Variants in TM9SF3 observed in about 807,000 individuals in gnomAD.
TM9SF3 encodes the protein SM-11044-binding protein.
TM9SF3 carries 14 observed loss-of-function variants against 78.6 expected under a neutral mutation model. That is an observed-to-expected ratio of 0.18 (90% CI 0.12 to 0.28). The LOEUF is 0.28. TM9SF3 is among the 10% of genes least tolerant of loss of function. TM9SF3 has a pLI of 1.00. For synonymous variants in TM9SF3, 231 were observed against 241.7 expected (o/e 0.96, Z 0.41); for missense variants, 496 against 721.9 (o/e 0.69, Z 3.59).
chr10:96,586,777 A>G lies in TM9SF3; in HGVS notation c.59T>C (p.Leu20Pro), dbSNP rs1021366179. Residue 20 changes from leucine (L) to proline (P), a missense_variant, in exon 1 of 15, where the codon CTG becomes CCG. Physicochemically the swap from Leu to Pro is moderately conservative, Grantham distance 98 (BLOSUM62 -3). Transcript: ENST00000371142. ...VAAAAALWLL[L>P]LLLPRTRADE... ...CGCCCGGGTCCGGGGCAGCAGCAGCAGCAGCAGCCACAGCGCGGCGGCCGC... is the reference window on the plus strand; with the variant it reads ...CGCCCGGGTCCGGGGCAGCAGCAGCGGCAGCAGCCACAGCGCGGCGGCCGC... 4 of 1,288,400 alleles carry G rather than the reference A, an allele frequency of 3.1e-6. No individual in the cohort carries two copies. Among genetic ancestry groups the G allele is most frequent in the Non-Finnish European group, 3.9e-6 (4 of 1,016,624 alleles). The allele number at this position is 1,288,400 out of a possible 1,614,324, so 79.8% of individuals were successfully genotyped here.
At chr10:96,556,385 C>T (rs968439026) in intron 5 of TM9SF3, among the ~76,000 whole-genome samples, 1 of 152,296 alleles carries the variant, frequency 6.6e-6, no homozygotes, top group Middle Eastern at 3.4e-3. Context: ...CCTTGCTTCA[C>T]TATTAAGGGA....
chr10:96,533,865 CA>C (rs967385022), intron 9 of TM9SF3, among the ~76,000 whole-genome samples: 5 of 152,138 alleles, frequency 3.3e-5, no homozygotes, highest in African/African-American at 4.8e-5. Context: ...ATTTTAGAAC[CA>C]AAGTGGCCAA....
intron 9 of TM9SF3, among the ~76,000 whole-genome samples, chr10:96,538,835 G>T (rs779890388): frequency 6.6e-5 from 10 of 152,170 alleles, no homozygotes; most frequent in Non-Finnish European, 1.0e-4. Flanking sequence ...ATACTCACTA[G>T]AATAGCTAAA....
intron 14 of TM9SF3, among the ~76,000 whole-genome samples, chr10:96,525,301 T>C (rs1847825270): frequency 6.6e-6 from 1 of 152,060 alleles, no homozygotes; most frequent in East Asian, 1.9e-4. Context: ...CTTCAGTCCC[T>C]CTCATCTTTC....
At chr10:96,586,078 A>G (rs572385149) in intron 1 of TM9SF3, among the ~76,000 whole-genome samples, 1 of 152,296 alleles carries the variant, frequency 6.6e-6, no homozygotes, top group East Asian at 1.9e-4. Context: ...TGGGGGTCTC[A>G]CTTAGGGGCT....
chr10:96,527,091 G>A (rs1564927242), intron 14 of TM9SF3, 122 bp downstream of exon 14: 7 of 699,694 alleles, frequency 1.0e-5, no homozygotes, highest in Admixed American at 2.8e-5. Context: ...AATCAGACTC[G>A]GGTTTATTTT....
chr10:96,586,980 C>T lies in TM9SF3; in HGVS notation c.-145G>A, dbSNP rs1848642819. ...GGGCCCGGCCCAGCCGCTGCCTCCT[C>T]TGCCGCCGCCGTCGCCGTCACCGCC... is the stretch of plus-strand genomic sequence containing the variant. On this transcript the variant is annotated 5_prime_UTR_variant, in exon 1 of 15. Coordinates refer to ENST00000371142, the MANE Select transcript of TM9SF3 (RefSeq NM_020123.4). 1.8e-6 allele frequency: 1 copy of T among 559,442 alleles called. No homozygotes were observed. The highest frequency in any genetic ancestry group is 5.3e-5 in the Admixed American group (1 of 18,774). The allele number at this position is 559,442 out of a possible 1,614,324, so 34.7% of individuals were successfully genotyped here.
chr10:96,539,190 G>T (rs964122290), intron 9 of TM9SF3, among the ~76,000 whole-genome samples: 1 of 148,682 alleles, frequency 6.7e-6, no homozygotes, highest in African/African-American at 2.5e-5. Flanking sequence ...GCAACATCAG[G>T]CCGGGTGTGG....
chr10:96,582,176 T>A (rs530581979), intron 1 of TM9SF3, among the ~76,000 whole-genome samples: 8 of 152,212 alleles, frequency 5.3e-5, no homozygotes, highest in Admixed American at 5.2e-4. Flanking sequence ...AAGGCTACAG[T>A]GCAAACTATA....
chr10:96,555,773 T>C (rs1439057781), intron 5 of TM9SF3, among the ~76,000 whole-genome samples: 1 of 152,236 alleles, frequency 6.6e-6, no homozygotes, highest in Non-Finnish European at 1.5e-5. Flanking sequence ...TCTGAGTTTA[T>C]TGTAAAAGTA....
chr10:96,549,089 G>A (rs1848135301), intron 7 of TM9SF3, among the ~76,000 whole-genome samples: 1 of 152,120 alleles, frequency 6.6e-6, no homozygotes. Context: ...AGTAGCAGCA[G>A]CAGCACTAAC....
At chr10:96,569,724 A>G (rs1848418104) in intron 2 of TM9SF3, among the ~76,000 whole-genome samples, 2 of 152,196 alleles carry the variant, frequency 1.3e-5, no homozygotes, top group South Asian at 4.1e-4. Context: ...AAGGATCAAA[A>G]TATCAAACAA....
At chr10:96,528,240 CGTGA>C (rs1847860239) in intron 11 of TM9SF3, 63 bp from the exon 12 acceptor site, 2 of 1,458,396 alleles carry the variant, frequency 1.4e-6, no homozygotes, top group East Asian at 4.9e-5. Flanking sequence ...CTCTGCTCTT[CGTGA>C]GTCTCACATT....
At chr10:96,560,973 A>C (rs1848300828) in intron 4 of TM9SF3, 1 of 452,216 alleles carries the variant, frequency 2.2e-6, no homozygotes, top group South Asian at 1.8e-5. Flanking sequence ...TGGGGAGAAA[A>C]GAAAAGGAGA....
At chr10:96,540,182 T>C (rs141070727) in intron 9 of TM9SF3, among the ~76,000 whole-genome samples, 1 of 152,322 alleles carries the variant, frequency 6.6e-6, no homozygotes, top group East Asian at 1.9e-4. Flanking sequence ...TTCAATTGAA[T>C]CAGCAGACCA....
At chr10:96,526,523 A>G (rs1388082859) in intron 14 of TM9SF3, among the ~76,000 whole-genome samples, 1 of 152,088 alleles carries the variant, frequency 6.6e-6, no homozygotes, top group African/African-American at 2.4e-5. Context: ...TATTTCACAC[A>G]TTCTAGAGAT....
intron 2 of TM9SF3, 66 bp downstream of exon 2, chr10:96,576,566 AGT>A: frequency 7.2e-7 from 1 of 1,396,786 alleles, no homozygotes; most frequent in Non-Finnish European, 9.7e-7. Flanking sequence ...CAGTGTCAAT[AGT>A]GCCAAAATAT....
intron 1 of TM9SF3, chr10:96,577,559 G>A (rs1374930439): frequency 1.3e-5 from 2 of 152,298 alleles, no homozygotes; most frequent in South Asian, 2.1e-4. Context: ...AGATTTCTAA[G>A]ATCTCGACAA....
chr10:96,545,794 T>C (rs9664955), intron 8 of TM9SF3, among the ~76,000 whole-genome samples: 31,074 of 151,980 alleles, frequency 0.2, 3,531 homozygotes, highest in Admixed American at 0.3. Flanking sequence ...CAGGCTGAGG[T>C]AGGAGAATCG....
Sources: allele counts gnomAD v4.1 joint callset (sites outside exome capture counted in the v4.1 genomes callset), GRCh38; gene constraint gnomAD v4.1.1; transcripts MANE v1.5; gene names NCBI Gene and HGNC (gene_info 2026-07-23, HGNC 2026-07-21).